CHL1: variants seen among roughly 807,000 people sequenced by gnomAD.
The protein encoded by CHL1 is neural cell adhesion molecule L1-like protein.
In CHL1, 96 loss-of-function variants were observed where a neutral mutation model predicts 141.9. The observed-to-expected ratio is 0.68, with a 90% CI of 0.57 to 0.80. The LOEUF (loss-of-function observed/expected upper bound fraction) is 0.80, where lower values mean the gene tolerates loss of function less well. Among genes scored for constraint, CHL1 ranks in the 30% least tolerant of loss-of-function variants. The pLI is 0.00. For missense variants in CHL1, 1,820 were observed against 1,457.2 expected (o/e 1.25, Z -4.05); for synonymous variants, 613 against 502.2 (o/e 1.22, Z -2.95).
intron 2 of CHL1, among the ~76,000 whole-genome samples, chr3:311,443 CT>C (rs1213813582): frequency 3.0e-4 from 46 of 151,194 alleles, no homozygotes; most frequent in African/African-American, 1.1e-3. Flanking sequence ...TCAGGTAGGG[CT>C]GTTCTTCCTT....
chr3:226,234 C>G (rs959405839), intron 1 of CHL1, among the ~76,000 whole-genome samples: 2 of 150,046 alleles, frequency 1.3e-5, no homozygotes, highest in African/African-American at 4.9e-5. Context: ...GTTGGCCACG[C>G]TAATGTTGAG....
At chr3:391,904 T>C in intron 23 of CHL1, 107 bp downstream of exon 23, 1 of 869,882 alleles carries the variant, frequency 1.1e-6, no homozygotes, top group Non-Finnish European at 1.7e-6. Context: ...CCATGGTTTG[T>C]AAGCTGCCGT....
intron 1 of CHL1, among the ~76,000 whole-genome samples, chr3:226,827 C>G (rs1411022864): frequency 6.6e-6 from 1 of 152,150 alleles, no homozygotes; most frequent in Non-Finnish European, 1.5e-5. Context: ...CTTCTCAATG[C>G]TTAGCAGACA....
chr3:255,099 A>G (rs517086), intron 2 of CHL1, among the ~76,000 whole-genome samples: 25,277 of 152,122 alleles, frequency 0.17, 2,365 homozygotes, highest in East Asian at 0.39. Flanking sequence ...GACTTGAAAG[A>G]TTAATTTTCC....
At chr3:389,186 G>T in intron 19 of CHL1, 66 bp from the exon 20 acceptor site, 1 of 1,289,330 alleles carries the variant, frequency 7.8e-7, no homozygotes, top group Non-Finnish European at 1.1e-6. Context: ...ACTTAGGGTG[G>T]TTCACCATCA....
intron 2 of CHL1, among the ~76,000 whole-genome samples, chr3:269,697 A>G (rs1314178435): frequency 6.6e-6 from 1 of 152,104 alleles, no homozygotes; most frequent in Non-Finnish European, 1.5e-5. Flanking sequence ...AGCTAATTTT[A>G]TCTTTTTAGT....
At chr3:215,185 A>G (rs1700215119) in intron 1 of CHL1, among the ~76,000 whole-genome samples, 1 of 152,234 alleles carries the variant, frequency 6.6e-6, no homozygotes, top group Non-Finnish European at 1.5e-5. Flanking sequence ...CAACAGATGA[A>G]TAAAGAAAAT....
At chr3:302,548 TG>T (rs1698851090) in intron 2 of CHL1, among the ~76,000 whole-genome samples, 1 of 152,252 alleles carries the variant, frequency 6.6e-6, no homozygotes, top group South Asian at 2.1e-4. Context: ...TGTCTTCTTT[TG>T]AGAAATGTCT....
At chr3:268,930 G>T (rs1695399200) in intron 2 of CHL1, among the ~76,000 whole-genome samples, 2 of 152,154 alleles carry the variant, frequency 1.3e-5, no homozygotes, top group South Asian at 4.2e-4. Flanking sequence ...CACTTCCCCA[G>T]TAATTATGAA....
At chr3:346,608 A>G (rs1702788334) in intron 9 of CHL1, among the ~76,000 whole-genome samples, 1 of 152,226 alleles carries the variant, frequency 6.6e-6, no homozygotes, top group Non-Finnish European at 1.5e-5. Flanking sequence ...ATATAAAAAC[A>G]GAGTGGATGA....
chr3:253,004 T>A (rs1368483410), intron 2 of CHL1, among the ~76,000 whole-genome samples: 1 of 152,116 alleles, frequency 6.6e-6, no homozygotes, highest in African/African-American at 2.4e-5. Flanking sequence ...TAGGAACATA[T>A]GCTTTGGAGA....
intron 24 of CHL1, among the ~76,000 whole-genome samples, chr3:397,044 TGTTTTCA>T (rs1382466837): frequency 3.3e-5 from 5 of 152,166 alleles, no homozygotes; most frequent in Non-Finnish European, 5.9e-5. Context: ...TTTCTCTGAT[TGTTTTCA>T]CTCTGATTTC....
chr3:317,133 G>A (rs944695091), intron 2 of CHL1, among the ~76,000 whole-genome samples: 1 of 151,952 alleles, frequency 6.6e-6, no homozygotes. Context: ...CAGGTAAATT[G>A]AAGCTAATTC....
chr3:270,441 T>C (rs1045936854), intron 2 of CHL1, among the ~76,000 whole-genome samples: 2 of 152,136 alleles, frequency 1.3e-5, no homozygotes, highest in South Asian at 2.1e-4. Context: ...AGAGACCTGA[T>C]TGGTGTTTTT....
rs972137028 is a variant in CHL1 at position 328,210 on chromosome 3, C to T, written c.241C>T (p.His81Tyr). The change falls in exon 5 of 28, where the codon CAT becomes TAT. Residue 81 changes from histidine (H) to tyrosine (Y), a missense_variant. Coordinates refer to ENST00000256509, the MANE Select transcript of CHL1 (RefSeq NM_006614.4). ...TGGCAACCCTTTTTATTTCACTGAC[C>T]ATCGGATAATTCCATCGAACAATTC... Reference protein sequence around the residue: ...KDGNPFYFTDHRIIPSNNSGT... With the variant: ...KDGNPFYFTDYRIIPSNNSGT... 6.2e-7 allele frequency: 1 copy of T among 1,606,646 alleles called. No homozygotes were observed. Among genetic ancestry groups the T allele is most frequent in the Non-Finnish European group, 8.5e-7 (1 of 1,175,724 alleles).
intron 1 of CHL1, among the ~76,000 whole-genome samples, chr3:221,611 C>T (rs187647863): frequency 2.6e-5 from 4 of 152,328 alleles, no homozygotes; most frequent in South Asian, 4.1e-4. Flanking sequence ...AGAGGGAATT[C>T]GCATGAGCAA....
At chr3:234,544 TA>T (rs1191025703) in intron 1 of CHL1, among the ~76,000 whole-genome samples, 4 of 152,164 alleles carry the variant, frequency 2.6e-5, no homozygotes, top group African/African-American at 9.7e-5. Context: ...TAGTGATATT[TA>T]AAGGAAAACA....
intron 14 of CHL1, 49 bp downstream of exon 14, chr3:363,432 T>A: frequency 6.6e-7 from 1 of 1,514,790 alleles, no homozygotes. Flanking sequence ...ATGGGTTCAG[T>A]CTGTCTTCAT....
At position 222,544 on chromosome 3, in the gene CHL1, G is replaced by A. The variant is rs1000021135; in HGVS notation, c.-174-22069G>A. On this transcript the variant is annotated intron_variant, in intron 1 of 27. Transcript: ENST00000256509. ...GGGAAATATAGGTAATTCCTTTGAC[G>A]GACATTACATGATTACTAGGGAAAA... Among the ~76,000 whole-genome samples the A allele has an allele frequency of 3.9e-5, 6 of 152,098 alleles. No homozygotes were observed. In the East Asian group the frequency reaches 7.7e-4, roughly 20 times the overall value.
Sources: allele counts gnomAD v4.1 joint callset (sites outside exome capture counted in the v4.1 genomes callset), GRCh38; gene constraint gnomAD v4.1.1; transcripts MANE v1.5; gene names NCBI Gene and HGNC (gene_info 2026-07-23, HGNC 2026-07-21).